The following EXT2 variants were observed in gnomAD, a reference collection of about 807,000 sequenced individuals.
EXT2 encodes the protein exostosin-2.
EXT2 carries 53 observed loss-of-function variants against 81.6 expected under a neutral mutation model. The ratio of observed to expected loss-of-function variants is 0.65; its 90% confidence interval spans 0.52 to 0.82. The LOEUF (loss-of-function observed/expected upper bound fraction) is 0.82. Ranked by LOEUF, EXT2 falls within the 40% of genes least tolerant of loss-of-function variation. The pLI is 0.00. For missense variants in EXT2, 774 were observed against 910.2 expected (o/e 0.85, Z 1.93); for synonymous variants, 320 against 340.0 (o/e 0.94, Z 0.65).
chr11:44,110,858 C>T (rs932698320), intron 3 of EXT2, among the ~76,000 whole-genome samples: 1 of 152,114 alleles, frequency 6.6e-6, no homozygotes, highest in Non-Finnish European at 1.5e-5. Context: ...ATAGCCAATC[C>T]TATAGCAGGT....
At chr11:44,197,396 C>T (rs1300527807) in intron 8 of EXT2, among the ~76,000 whole-genome samples, 1 of 152,138 alleles carries the variant, frequency 6.6e-6, no homozygotes, top group Non-Finnish European at 1.5e-5. Flanking sequence ...CAGGTCTCCA[C>T]TCTCACTCCT....
chr11:44,187,907 C>T (rs1488964970), intron 8 of EXT2, among the ~76,000 whole-genome samples: 1 of 152,126 alleles, frequency 6.6e-6, no homozygotes, highest in Non-Finnish European at 1.5e-5. Flanking sequence ...GCCCATCATT[C>T]CATCTATTAT....
At chr11:44,114,371 G>A (rs1183420507) in intron 4 of EXT2, 70 bp downstream of exon 4, 6 of 1,428,022 alleles carry the variant, frequency 4.2e-6, no homozygotes, top group African/African-American at 1.4e-5. Context: ...GTTTAGTGTG[G>A]TGGGCATCAA....
rs368702168 is a variant in EXT2, at chr11:44,201,608, A to T, written c.1495+3590A>T. ...TTAGATTACCATTTAGTTGTAGGAA[A>T]ATCATCATGTGTTGTCAGTTCTTTG... On this transcript the variant is annotated intron_variant, in intron 9 of 13. Coordinates refer to ENST00000533608, the MANE Select transcript of EXT2 (RefSeq NM_207122.2). Among the ~76,000 whole-genome samples, 49 of 152,342 alleles carry T rather than the reference A, an allele frequency of 3.2e-4. No individual in the cohort carries two copies. The South Asian group carries it at 1.0e-2, about 31-fold the overall frequency.
At chr11:44,203,051 A>G (rs1247165145) in intron 9 of EXT2, among the ~76,000 whole-genome samples, 1 of 152,226 alleles carries the variant, frequency 6.6e-6, no homozygotes, top group Non-Finnish European at 1.5e-5. Context: ...AGTTTATACC[A>G]TCAGGAAGTT....
At chr11:44,208,521 T>A (rs1165948407) in intron 10 of EXT2, among the ~76,000 whole-genome samples, 1 of 152,244 alleles carries the variant, frequency 6.6e-6, no homozygotes, top group East Asian at 1.9e-4. Context: ...CTCTGATTAC[T>A]TGTGTTTGAT....
At chr11:44,128,492 C>T (rs901810539) in intron 6 of EXT2, among the ~76,000 whole-genome samples, 1 of 152,166 alleles carries the variant, frequency 6.6e-6, no homozygotes, top group Non-Finnish European at 1.5e-5. Flanking sequence ...CAAACCTTTT[C>T]TCAGGGACAC....
At position 44,144,892 on chromosome 11, in the gene EXT2, A is replaced by T. The variant is rs555830603; in HGVS notation, c.1173+14754A>T. 3.3e-5 allele frequency among the ~76,000 whole-genome samples: 5 copies of T among 152,224 alleles called. No individual in the cohort carries two copies. The East Asian group carries it at 5.8e-4, about 18-fold the overall frequency. On this transcript the variant is annotated intron_variant, in intron 7 of 13. Coordinates refer to ENST00000533608, the MANE Select transcript of EXT2 (RefSeq NM_207122.2). The stretch of plus-strand genomic sequence containing the variant: ...GAAAGTTTTTTTTTAATAGGGCAAA[A>T]GCATGCAAATCACAAGCATCTTTGG...
chr11:44,245,657 A>G lies in EXT2; in HGVS notation c.*1370A>G, dbSNP rs529733424. 4.3e-4 allele frequency among the ~76,000 whole-genome samples: 66 copies of G among 152,336 alleles called. No individual in the cohort carries two copies. Among genetic ancestry groups the G allele is most frequent in the Admixed American group, 1.0e-3 (16 of 15,288 alleles). The stretch of plus-strand genomic sequence containing the variant: ...GTTGTTTTGCCAGTCAGCGTCAGTC[A>G]TACACCATCCATTGTTCTGTTGAGT... On this transcript the variant is annotated 3_prime_UTR_variant, in exon 14 of 14. Coordinates refer to ENST00000533608, the MANE Select transcript of EXT2 (RefSeq NM_207122.2).
rs144975785 is a variant in EXT2, at chr11:44,174,476, G to T, written c.1305+2734G>T. ...TACAAGTCTTGGTAAATATTTCTTA[G>T]ATTTAAAATTTTTTCTTATACTCTA... On this transcript the variant is annotated intron_variant, in intron 8 of 13. Coordinates refer to ENST00000533608, the MANE Select transcript of EXT2 (RefSeq NM_207122.2). 4.8e-3 allele frequency among the ~76,000 whole-genome samples: 721 copies of T among 151,418 alleles called. 5 individuals carry two copies. The highest frequency in any genetic ancestry group is 0.03 in the East Asian group (155 of 5,160).
At position 44,130,188 on chromosome 11, in the gene EXT2, G is replaced by A. The variant is rs767761327; in HGVS notation, c.1173+50G>A. The stretch of plus-strand genomic sequence containing the variant: ...TGACATGGGTGGTACCGAAATGGTG[G>A]CCTTGACTGGATACAGAGGGACAGG... On this transcript the variant is annotated intron_variant, in intron 7 of 13. Transcript: ENST00000533608. 8 of 1,440,322 alleles carry A rather than the reference G, an allele frequency of 5.6e-6. No individual in the cohort carries two copies. The Admixed American group carries it at 6.7e-5, about 12-fold the overall frequency. 89.2% of individuals were successfully genotyped at this position (1,440,322 alleles called of 1,614,324 possible).
chr11:44,215,246 T>C (rs1955704021), intron 10 of EXT2, among the ~76,000 whole-genome samples: 1 of 152,232 alleles, frequency 6.6e-6, no homozygotes, highest in Admixed American at 6.5e-5. Flanking sequence ...TATAAAGCTA[T>C]AAATTACTCT....
intron 7 of EXT2, among the ~76,000 whole-genome samples, chr11:44,146,073 G>T (rs1019529088): frequency 6.6e-6 from 1 of 152,202 alleles, no homozygotes; most frequent in Non-Finnish European, 1.5e-5. Context: ...TTTCTTCTGA[G>T]GCTTCTCTGC....
chr11:44,234,343 A>G, intron 12 of EXT2, 100 bp downstream of exon 12: 1 of 1,201,118 alleles, frequency 8.3e-7, no homozygotes, highest in South Asian at 1.3e-5. Context: ...ATAGGACTAG[A>G]TAAACTTTAA....
chr11:44,114,097 A>G (rs1039528847), intron 3 of EXT2, 88 bp from the exon 4 acceptor site: 42 of 1,164,806 alleles, frequency 3.6e-5, no homozygotes, highest in Non-Finnish European at 5.2e-5. Flanking sequence ...TTGATAATAA[A>G]GACTCAGTAA....
chr11:44,111,520 TGTTA>T (rs570178413), intron 3 of EXT2, among the ~76,000 whole-genome samples: 55 of 152,350 alleles, frequency 3.6e-4, no homozygotes, highest in African/African-American at 1.3e-3. Flanking sequence ...ACTTAACTGA[TGTTA>T]GTTTTCTCAG....
At chr11:44,186,210 T>C (rs771601380) in intron 8 of EXT2, among the ~76,000 whole-genome samples, 14 of 152,242 alleles carry the variant, frequency 9.2e-5, no homozygotes, top group Non-Finnish European at 2.1e-4. Context: ...ATAAAATCAA[T>C]GGTATGTTAT....
rs1454691476 is a variant in EXT2 at position 44,246,680 on chromosome 11, G to A, written c.*2393G>A. On this transcript the variant is annotated 3_prime_UTR_variant, in exon 14 of 14. Coordinates refer to ENST00000533608, the MANE Select transcript of EXT2 (RefSeq NM_207122.2). ...TGAACAGATAGGTGGTACAGTCACC[G>A]TAGAAATTCAAGACAGGGATATAGC... 1.3e-5 allele frequency among the ~76,000 whole-genome samples: 2 copies of A among 152,194 alleles called. No homozygotes were observed. The highest frequency in any genetic ancestry group is 2.9e-5 in the Non-Finnish European group (2 of 68,026).
intron 7 of EXT2, among the ~76,000 whole-genome samples, chr11:44,139,470 G>T (rs889038044): frequency 2.0e-5 from 3 of 152,118 alleles, no homozygotes; most frequent in Admixed American, 2.0e-4. Context: ...AGGAGGACTG[G>T]TCACATACCT....
Sources: gnomAD v4.1 joint callset for allele counts (sites outside exome capture counted in the v4.1 genomes callset) on GRCh38, gnomAD v4.1.1 for gene constraint, MANE v1.5 for transcripts, NCBI Gene and HGNC (gene_info 2026-07-23, HGNC 2026-07-21) for gene names.